PRKN: variants seen among roughly 807,000 people sequenced by gnomAD.
The protein encoded by PRKN is parkin RBR E3 ubiquitin protein ligase, also known as E3 ubiquitin-protein ligase parkin.
PRKN carries 56 observed loss-of-function variants against 59.5 expected under a neutral mutation model. That is an observed-to-expected ratio of 0.94 (90% CI 0.76 to 1.18). The LOEUF is 1.18. Ranked by LOEUF, PRKN falls within the 50% of genes most tolerant of loss-of-function variation. PRKN has a pLI of 0.00. For synonymous variants in PRKN, 250 were observed against 222.1 expected (o/e 1.13, Z -1.12); for missense variants, 657 against 596.4 (o/e 1.10, Z -1.06).
At chr6:161,681,316 G>A (rs1297519936) in intron 7 of PRKN, among the ~76,000 whole-genome samples, 1 of 152,110 alleles carries the variant, frequency 6.6e-6, no homozygotes, top group African/African-American at 2.4e-5. Flanking sequence ...TGCAAAAGAC[G>A]TATTTTTGTC....
intron 3 of PRKN, among the ~76,000 whole-genome samples, chr6:162,249,151 T>A (rs981658717): frequency 6.6e-6 from 1 of 152,208 alleles, no homozygotes; most frequent in African/African-American, 2.4e-5. Flanking sequence ...GGGCTGGGAT[T>A]ACAGGCGTGA....
chr6:161,568,927 G>T lies in PRKN; in HGVS notation c.933+428C>A, dbSNP rs746473258. 3.8e-4 allele frequency among the ~76,000 whole-genome samples: 57 copies of T among 151,134 alleles called. 1 individual carries two copies. Among genetic ancestry groups the T allele is most frequent in the Non-Finnish European group, 7.2e-4 (49 of 67,880 alleles). On this transcript the variant is annotated intron_variant, in intron 8 of 11. Transcript: ENST00000366898. ...ACATGTTCATACCCGTGTACAAAAG[G>T]CTGCCATGAAATACAGATAACAAAC...
chr6:162,340,109 G>A (rs895059900), intron 2 of PRKN, among the ~76,000 whole-genome samples: 17 of 140,144 alleles, frequency 1.2e-4, no homozygotes, highest in African/African-American at 4.7e-4. Flanking sequence ...ATCCCCCTCT[G>A]TGAGAAACAC....
chr6:162,667,706 T>G (rs1040532078), intron 1 of PRKN, among the ~76,000 whole-genome samples: 1 of 152,070 alleles, frequency 6.6e-6, no homozygotes, highest in South Asian at 2.1e-4. Context: ...CAGGGCATAG[T>G]AAAGAACATG....
chr6:162,159,070 A>T (rs1316517061), intron 4 of PRKN, among the ~76,000 whole-genome samples: 2 of 151,792 alleles, frequency 1.3e-5, no homozygotes, highest in Non-Finnish European at 2.9e-5. Flanking sequence ...GTCCTCCCAC[A>T]CTCACCCTTA....
At chr6:162,282,763 T>G (rs1562638791) in intron 2 of PRKN, among the ~76,000 whole-genome samples, 1 of 152,336 alleles carries the variant, frequency 6.6e-6, no homozygotes, top group East Asian at 1.9e-4. Context: ...TGTCTGTATG[T>G]TGTATATCAC....
chr6:162,537,908 C>T (rs951231742), intron 1 of PRKN, among the ~76,000 whole-genome samples: 2 of 152,166 alleles, frequency 1.3e-5, no homozygotes, highest in African/African-American at 4.8e-5. Flanking sequence ...TATTCAAGGG[C>T]TTGCCTTCTC....
At chr6:162,364,763 G>A (rs1302291719) in intron 2 of PRKN, among the ~76,000 whole-genome samples, 1 of 152,120 alleles carries the variant, frequency 6.6e-6, no homozygotes, top group African/African-American at 2.4e-5. Flanking sequence ...ATCAGGAAGA[G>A]GGAGGAGAGG....
At chr6:161,602,072 C>T (rs73782952) in intron 7 of PRKN, among the ~76,000 whole-genome samples, 2,799 of 151,416 alleles carry the variant, frequency 0.018, 116 homozygotes, top group African/African-American at 0.064. Context: ...TATCTAATAA[C>T]CATATTTTTA....
intron 1 of PRKN, among the ~76,000 whole-genome samples, chr6:162,467,564 C>G (rs1392590947): frequency 2.6e-5 from 4 of 152,142 alleles, no homozygotes; most frequent in Non-Finnish European, 5.9e-5. Context: ...TTAGATTTCT[C>G]TACCTCTCTC....
At chr6:162,033,024 T>C (rs1562473512) in intron 5 of PRKN, among the ~76,000 whole-genome samples, 2 of 152,208 alleles carry the variant, frequency 1.3e-5, no homozygotes, top group Non-Finnish European at 2.9e-5. Flanking sequence ...ACTCTTGTTT[T>C]ATTCTTGGTT....
chr6:161,394,651 G>A (rs1400755609), intron 9 of PRKN, among the ~76,000 whole-genome samples: 2 of 152,072 alleles, frequency 1.3e-5, no homozygotes, highest in East Asian at 1.9e-4. Context: ...CTCACTATGA[G>A]TACCGTCTAG....
At chr6:162,680,653 C>G (rs1779737258) in intron 1 of PRKN, among the ~76,000 whole-genome samples, 1 of 151,868 alleles carries the variant, frequency 6.6e-6, no homozygotes, top group African/African-American at 2.4e-5. Context: ...GCTTGTAAAT[C>G]AATTTTTTTT....
chr6:162,639,569 T>C (rs1202843734), intron 1 of PRKN, among the ~76,000 whole-genome samples: 1 of 152,180 alleles, frequency 6.6e-6, no homozygotes, highest in Admixed American at 6.5e-5. Context: ...TCTGTATCTC[T>C]ACTAGACAAA....
chr6:162,013,775 A>C (rs1344742321), intron 5 of PRKN, among the ~76,000 whole-genome samples: 4 of 152,176 alleles, frequency 2.6e-5, no homozygotes, highest in Non-Finnish European at 5.9e-5. Flanking sequence ...CAAAAACAAA[A>C]CTACTTATTA....
chr6:162,488,608 T>C (rs1294668081), intron 1 of PRKN, among the ~76,000 whole-genome samples: 1 of 152,212 alleles, frequency 6.6e-6, no homozygotes, highest in Non-Finnish European at 1.5e-5. Flanking sequence ...TGACTACCTC[T>C]GTCACTCTGG....
intron 1 of PRKN, among the ~76,000 whole-genome samples, chr6:162,507,286 G>A (rs1044501225): frequency 6.6e-6 from 1 of 151,986 alleles, no homozygotes; most frequent in African/African-American, 2.4e-5. Flanking sequence ...TCTTTGAAAC[G>A]CAAATCGTAT....
intron 4 of PRKN, among the ~76,000 whole-genome samples, chr6:162,177,745 G>T (rs974580795): frequency 2.0e-5 from 3 of 152,018 alleles, no homozygotes; most frequent in African/African-American, 7.2e-5. Context: ...ATTTAATAAA[G>T]AAAACAAATT....
At chr6:162,161,073 A>C (rs1473425158) in intron 4 of PRKN, among the ~76,000 whole-genome samples, 2 of 152,116 alleles carry the variant, frequency 1.3e-5, no homozygotes, top group Non-Finnish European at 2.9e-5. Flanking sequence ...TTGAGAGTAG[A>C]TACACTACTC....
Sources: allele counts gnomAD v4.1 joint callset (sites outside exome capture counted in the v4.1 genomes callset), GRCh38; gene constraint gnomAD v4.1.1; transcripts MANE v1.5; gene names NCBI Gene and HGNC (gene_info 2026-07-23, HGNC 2026-07-21).